The following MGMT variants were observed in gnomAD, a reference collection of about 807,000 sequenced individuals.
MGMT encodes the protein methylated-DNA--protein-cysteine methyltransferase.
A neutral mutation model predicts 15.9 loss-of-function variants in MGMT; 14 were observed. The ratio of observed to expected loss-of-function variants is 0.88; its 90% confidence interval spans 0.58 to 1.37. The LOEUF is 1.37. Ranked by LOEUF, MGMT falls within the 40% of genes most tolerant of loss-of-function variation. The pLI is 0.00. For missense variants in MGMT, 282 were observed against 268.1 expected (o/e 1.05, Z -0.36); for synonymous variants, 130 against 118.2 (o/e 1.10, Z -0.65).
intron 2 of MGMT, among the ~76,000 whole-genome samples, chr10:129,623,845 G>T (rs1847116624): frequency 6.6e-6 from 1 of 152,172 alleles, no homozygotes. Flanking sequence ...TTTCAAACAG[G>T]TATCTCCATT....
chr10:129,478,269 C>T lies in MGMT; in HGVS notation c.-13+10973C>T, dbSNP rs112386173. 2.4e-3 allele frequency among the ~76,000 whole-genome samples: 367 copies of T among 152,208 alleles called. 4 individuals are homozygous for T. Among genetic ancestry groups the T allele is most frequent in the African/African-American group, 8.4e-3 (349 of 41,510 alleles). On this transcript the variant is annotated intron_variant, in intron 1 of 4. Coordinates refer to ENST00000651593, the MANE Select transcript of MGMT (RefSeq NM_002412.5). ...CCCTCCAGATTGGTCAGTATACACACACTAATCCAGCCTGGTTCAAAGGAC... is the reference window on the plus strand; with the variant it reads ...CCCTCCAGATTGGTCAGTATACACATACTAATCCAGCCTGGTTCAAAGGAC...
At chr10:129,652,499 G>A (rs777306601) in intron 2 of MGMT, among the ~76,000 whole-genome samples, 7 of 152,202 alleles carry the variant, frequency 4.6e-5, no homozygotes, top group African/African-American at 9.6e-5. Flanking sequence ...GCGCCCATGC[G>A]AAGGCTTTCA....
At chr10:129,597,740 T>TA (rs1470182841) in intron 2 of MGMT, among the ~76,000 whole-genome samples, 1 of 152,146 alleles carries the variant, frequency 6.6e-6, no homozygotes, top group African/African-American at 2.4e-5. Context: ...TTGTAGGAAA[T>TA]AAAGAGACTA....
chr10:129,629,451 C>T (rs1201190887), intron 2 of MGMT, among the ~76,000 whole-genome samples: 2 of 152,128 alleles, frequency 1.3e-5, no homozygotes, highest in South Asian at 2.1e-4. Context: ...TCTGTGGCTA[C>T]TTTTAAACCT....
At chr10:129,589,255 G>A (rs1846653582) in intron 2 of MGMT, among the ~76,000 whole-genome samples, 1 of 152,194 alleles carries the variant, frequency 6.6e-6, no homozygotes, top group Admixed American at 6.5e-5. Flanking sequence ...GAGTGGCTCT[G>A]CAGTGGGACG....
chr10:129,702,710 G>A (rs1848113609), intron 2 of MGMT, among the ~76,000 whole-genome samples: 1 of 152,232 alleles, frequency 6.6e-6, no homozygotes. Context: ...GGAGCTGCAG[G>A]ATTTGGGCTT....
chr10:129,472,926 C>T (rs1845249006), intron 1 of MGMT, among the ~76,000 whole-genome samples: 1 of 152,186 alleles, frequency 6.6e-6, no homozygotes, highest in South Asian at 2.1e-4. Flanking sequence ...ACTGGCTCTG[C>T]CACCTGCTTC....
chr10:129,667,968 T>C (rs540141044), intron 2 of MGMT, among the ~76,000 whole-genome samples: 1 of 152,370 alleles, frequency 6.6e-6, no homozygotes, highest in South Asian at 2.1e-4. Context: ...ATTATTTCTA[T>C]GTTCTAGATA....
intron 2 of MGMT, among the ~76,000 whole-genome samples, chr10:129,586,766 G>T (rs1428025049): frequency 6.6e-6 from 1 of 152,194 alleles, no homozygotes. Context: ...GATCCTATGG[G>T]CAATGGGTGT....
intron 1 of MGMT, among the ~76,000 whole-genome samples, chr10:129,473,298 A>G (rs1250075533): frequency 1.3e-5 from 2 of 152,160 alleles, no homozygotes; most frequent in African/African-American, 4.8e-5. Flanking sequence ...GTTTGTGGAA[A>G]TGGGCCTTAT....
intron 2 of MGMT, among the ~76,000 whole-genome samples, chr10:129,641,624 A>C (rs2133090242): frequency 6.6e-6 from 1 of 152,330 alleles, no homozygotes; most frequent in South Asian, 2.1e-4. Flanking sequence ...AGATTAAGGT[A>C]GTTTTCACCT....
chr10:129,668,415 T>C (rs113325137), intron 2 of MGMT, among the ~76,000 whole-genome samples: 7,377 of 152,292 alleles, frequency 0.048, 632 homozygotes, highest in African/African-American at 0.17. Flanking sequence ...TTTACAGTTA[T>C]GATTTCAGTT....
chr10:129,619,599 G>A (rs1847067941), intron 2 of MGMT, among the ~76,000 whole-genome samples: 1 of 151,896 alleles, frequency 6.6e-6, no homozygotes. Context: ...AAACATCTGG[G>A]CCTGGAATTT....
chr10:129,488,633 A>G (rs566833168), intron 1 of MGMT, among the ~76,000 whole-genome samples: 3 of 152,296 alleles, frequency 2.0e-5, no homozygotes, highest in East Asian at 3.9e-4. Context: ...TCTCGTTTCA[A>G]AGTGCTTCCT....
chr10:129,719,116 A>G (rs566829886), intron 3 of MGMT, among the ~76,000 whole-genome samples: 1 of 150,618 alleles, frequency 6.6e-6, no homozygotes, highest in Non-Finnish European at 1.5e-5. Flanking sequence ...CCTTCTGCTC[A>G]GGCATGTCAC....
At chr10:129,517,912 A>G (rs945821038) in intron 1 of MGMT, among the ~76,000 whole-genome samples, 1 of 152,128 alleles carries the variant, frequency 6.6e-6, no homozygotes, top group African/African-American at 2.4e-5. Flanking sequence ...CCCTACCATG[A>G]TGGGTTGTGG....
chr10:129,480,844 T>C (rs532987969), intron 1 of MGMT, among the ~76,000 whole-genome samples: 2 of 152,346 alleles, frequency 1.3e-5, no homozygotes, highest in Admixed American at 1.3e-4. Context: ...TGAATAACTG[T>C]TGTTTGTGAG....
intron 2 of MGMT, among the ~76,000 whole-genome samples, chr10:129,622,489 G>C (rs1847101471): frequency 6.6e-6 from 1 of 152,244 alleles, no homozygotes; most frequent in South Asian, 2.1e-4. Flanking sequence ...AATCATGTAA[G>C]TATCTCATCT....
chr10:129,511,507 C>A (rs1845683478), intron 1 of MGMT, among the ~76,000 whole-genome samples: 1 of 152,226 alleles, frequency 6.6e-6, no homozygotes, highest in Non-Finnish European at 1.5e-5. Flanking sequence ...TGGGAAACAT[C>A]TTTGAATATG....
Sources: allele counts gnomAD v4.1 joint callset (sites outside exome capture counted in the v4.1 genomes callset), GRCh38; gene constraint gnomAD v4.1.1; transcripts MANE v1.5; gene names NCBI Gene and HGNC (gene_info 2026-07-23, HGNC 2026-07-21).